CNTNAP2: variants seen among roughly 807,000 people sequenced by gnomAD.
CNTNAP2 encodes contactin associated protein 2, also known as contactin-associated protein-like 2.
CNTNAP2 carries 98 observed loss-of-function variants against 155.2 expected under a neutral mutation model. That is an observed-to-expected ratio of 0.63 (90% CI 0.54 to 0.75). The LOEUF (loss-of-function observed/expected upper bound fraction) is 0.75, where lower values mean the gene tolerates loss of function less well. Ranked by LOEUF, CNTNAP2 falls within the 30% of genes least tolerant of loss-of-function variation. CNTNAP2 has a pLI of 0.00. For missense variants in CNTNAP2, 1,727 were observed against 1,688.1 expected, an observed-to-expected ratio of 1.02 and a Z score of -0.40; for synonymous variants, 651 against 631.2, an observed-to-expected ratio of 1.03 and a Z score of -0.47.
intron 1 of CNTNAP2, among the ~76,000 whole-genome samples, chr7:146,332,979 T>C (rs989997586): frequency 1.4e-5 from 2 of 143,372 alleles, no homozygotes; most frequent in Non-Finnish European, 3.0e-5. Context: ...GGTCTCACTC[T>C]GTAACCCAGA....
intron 14 of CNTNAP2, among the ~76,000 whole-genome samples, chr7:147,925,528 G>A (rs1442464129): frequency 2.6e-5 from 4 of 151,812 alleles, no homozygotes; most frequent in Non-Finnish European, 1.5e-5. Context: ...GTGCAGTGGC[G>A]TGATCTTGGC....
At chr7:147,971,756 C>G (rs1163749882) in intron 14 of CNTNAP2, among the ~76,000 whole-genome samples, 1 of 152,192 alleles carries the variant, frequency 6.6e-6, no homozygotes, top group Non-Finnish European at 1.5e-5. Context: ...CTATAAACAT[C>G]TACCTAAAAG....
Position 147,875,324 on chromosome 7 carries a change from A to G in CNTNAP2, c.2099-28241A>G, listed in dbSNP as rs578246165. 3.3e-5 allele frequency among the ~76,000 whole-genome samples: 5 copies of G among 152,298 alleles called. No individual in the cohort carries two copies. In the East Asian group the frequency reaches 7.7e-4, roughly 23 times the overall value. On this transcript the variant is annotated intron_variant, in intron 13 of 23. Transcript: ENST00000361727. Reference sequence around the variant, plus strand: ...ACAGTGGAAGGGAAAGGAGGAGCAAAGTCATGTCTTTCCGGGCAGGCAAGA... The same window carrying G: ...ACAGTGGAAGGGAAAGGAGGAGCAAGGTCATGTCTTTCCGGGCAGGCAAGA...
intron 13 of CNTNAP2, among the ~76,000 whole-genome samples, chr7:147,696,026 C>T (rs1201936117): frequency 6.6e-6 from 1 of 152,042 alleles, no homozygotes; most frequent in Admixed American, 6.6e-5. Flanking sequence ...TTAGCATGAT[C>T]TATGTTTCTC....
At chr7:148,062,004 TAGATGATAGAG>T (rs1563185609) in intron 15 of CNTNAP2, among the ~76,000 whole-genome samples, 22 of 98,504 alleles carry the variant, frequency 2.2e-4, no homozygotes, top group Non-Finnish European at 3.6e-4. Context: ...GATAGATAGA[TAGATGATAGAG>T]AGAGAGAGAG....
intron 9 of CNTNAP2, among the ~76,000 whole-genome samples, chr7:147,306,815 T>G (rs978130541): frequency 1.3e-5 from 2 of 152,168 alleles, no homozygotes; most frequent in African/African-American, 4.8e-5. Flanking sequence ...TAACTTGACC[T>G]TGATATGCAG....
At chr7:147,309,146 CTATT>C (rs1251113722) in intron 9 of CNTNAP2, among the ~76,000 whole-genome samples, 1 of 152,148 alleles carries the variant, frequency 6.6e-6, no homozygotes, top group Non-Finnish European at 1.5e-5. Flanking sequence ...AGAAAGTAAA[CTATT>C]TATCGCCTCT....
chr7:146,529,894 G>A (rs538886672), intron 1 of CNTNAP2, among the ~76,000 whole-genome samples: 37 of 152,184 alleles, frequency 2.4e-4, no homozygotes, highest in African/African-American at 8.7e-4. Flanking sequence ...GAACCCAGGA[G>A]GCAGAGGTTG....
Position 146,164,181 on chromosome 7 carries a change from CT to C in CNTNAP2, c.97+47213del, listed in dbSNP as rs548446377. Reference sequence around the variant, plus strand: ...AGGTGTATACCTTGAATAACTTTCTCTTTTTAAGGTTTGCTTTCTTTCACGA... The same window carrying C: ...AGGTGTATACCTTGAATAACTTTCTCTTTTAAGGTTTGCTTTCTTTCACGA... On this transcript the variant is annotated intron_variant, in intron 1 of 23. Coordinates refer to ENST00000361727, the MANE Select transcript of CNTNAP2 (RefSeq NM_014141.6). Among the ~76,000 whole-genome samples, 28 of 152,192 alleles carry C rather than the reference CT, an allele frequency of 1.8e-4. No homozygotes were observed. In the South Asian group the frequency reaches 5.4e-3, roughly 29 times the overall value.
intron 13 of CNTNAP2, among the ~76,000 whole-genome samples, chr7:147,869,812 C>G (rs1295915324): frequency 6.6e-6 from 1 of 152,136 alleles, no homozygotes; most frequent in Non-Finnish European, 1.5e-5. Context: ...GCTGGTTTAG[C>G]TCAATTTCAT....
intron 3 of CNTNAP2, among the ~76,000 whole-genome samples, chr7:147,010,158 C>T (rs920688337): frequency 2.6e-5 from 4 of 151,624 alleles, no homozygotes; most frequent in Non-Finnish European, 4.4e-5. Flanking sequence ...TACAGGCATG[C>T]GCAACCACGC....
chr7:147,448,484 G>GTATATATATATATATATATA (rs10683190), intron 10 of CNTNAP2, among the ~76,000 whole-genome samples: 26 of 143,440 alleles, frequency 1.8e-4, no homozygotes, highest in African/African-American at 6.7e-4. Context: ...GTGTGTGTGT[G>GTATATATATATATATATATA]TATATATATA....
intron 10 of CNTNAP2, among the ~76,000 whole-genome samples, chr7:147,472,308 G>T (rs1798239376): frequency 6.7e-6 from 1 of 148,680 alleles, no homozygotes; most frequent in African/African-American, 2.5e-5. Context: ...TGCCTCCCAG[G>T]TTCATGCGAT....
At chr7:148,187,990 C>T (rs1482132966) in intron 18 of CNTNAP2, among the ~76,000 whole-genome samples, 2 of 151,936 alleles carry the variant, frequency 1.3e-5, no homozygotes, top group African/African-American at 2.4e-5. Flanking sequence ...CGCATACATG[C>T]GTGCACACAC....
intron 21 of CNTNAP2, among the ~76,000 whole-genome samples, chr7:148,271,822 C>T (rs1796785746): frequency 6.6e-6 from 1 of 152,152 alleles, no homozygotes; most frequent in African/African-American, 2.4e-5. Flanking sequence ...TTGCATTCCC[C>T]AGTTGTGTAA....
intron 6 of CNTNAP2, among the ~76,000 whole-genome samples, chr7:147,123,857 G>A (rs1323248871): frequency 2.0e-5 from 3 of 151,960 alleles, no homozygotes; most frequent in Non-Finnish European, 4.4e-5. Context: ...CCTGGCCAAT[G>A]TGGTGAAACC....
chr7:147,526,284 CAG>C (rs1456640867), intron 11 of CNTNAP2, among the ~76,000 whole-genome samples: 1 of 151,626 alleles, frequency 6.6e-6, no homozygotes, highest in African/African-American at 2.4e-5. Flanking sequence ...ATCTAATTCA[CAG>C]TGTGACTTTG....
intron 9 of CNTNAP2, among the ~76,000 whole-genome samples, chr7:147,380,630 C>T (rs927008890): frequency 6.6e-6 from 1 of 152,048 alleles, no homozygotes; most frequent in African/African-American, 2.4e-5. Context: ...CTACACAAAG[C>T]ATTTCTTGGC....
At chr7:146,317,465 G>A (rs1035849793) in intron 1 of CNTNAP2, among the ~76,000 whole-genome samples, 1 of 152,094 alleles carries the variant, frequency 6.6e-6, no homozygotes, top group Admixed American at 6.6e-5. Context: ...CACTCCTTTT[G>A]TATAGTTCTT....
Sources: gnomAD v4.1 joint callset for allele counts (sites outside exome capture counted in the v4.1 genomes callset) on GRCh38, gnomAD v4.1.1 for gene constraint, MANE v1.5 for transcripts, NCBI Gene and HGNC (gene_info 2026-07-23, HGNC 2026-07-21) for gene names.